Variants in EPHA6 observed in about 807,000 individuals in gnomAD.
EPHA6 encodes the protein ephrin type-A receptor 6.
A neutral mutation model predicts 112.0 loss-of-function variants in EPHA6; 50 were observed. That is an observed-to-expected ratio of 0.45 (90% confidence interval 0.36 to 0.56). The LOEUF (loss-of-function observed/expected upper bound fraction) is 0.56, where lower values mean the gene tolerates loss of function less well. Ranked by LOEUF, EPHA6 falls within the 20% of genes least tolerant of loss-of-function variation. The pLI is 0.00. For synonymous variants in EPHA6, 529 were observed against 490.7 expected (o/e 1.08, Z -1.03); for missense variants, 1,280 against 1,417.4 (o/e 0.90, Z 1.56).
intron 5 of EPHA6, among the ~76,000 whole-genome samples, chr3:97,290,266 A>G (rs2080629206): frequency 6.6e-6 from 1 of 152,072 alleles, no homozygotes; most frequent in South Asian, 2.1e-4. Flanking sequence ...TGTGGTTTTG[A>G]GAGATCTACT....
intron 1 of EPHA6, among the ~76,000 whole-genome samples, chr3:96,817,845 G>A (rs960192968): frequency 2.6e-5 from 4 of 151,686 alleles, no homozygotes; most frequent in Admixed American, 1.3e-4. Context: ...TTCTTTTAAC[G>A]TGGTGCAAAC....
rs1559884080 is a variant in EPHA6 at position 97,324,473 on chromosome 3, T to TTTC, written c.1606+80187_1606+80188insTCT. Among the ~76,000 whole-genome samples, 21 of 71,252 alleles carry TTTC rather than the reference T, an allele frequency of 2.9e-4. 1 individual carries two copies. Among genetic ancestry groups the TTTC allele is most frequent in the Admixed American group, 4.7e-4 (3 of 6,336 alleles). The allele number at this position is 71,252 out of a possible 152,430, so 46.7% of individuals were successfully genotyped here. A position where few individuals can be genotyped will look rare whatever the true frequency, so the allele number is the denominator to read the frequency against. ...TCTTTCTTTCTTTCTTTCTTTCTTT[T>TTTC]TCTTTCGTCTCTTTCTCTTTCTTTC... On this transcript the variant is annotated intron_variant, in intron 5 of 17. Transcript: ENST00000389672.
intron 3 of EPHA6, among the ~76,000 whole-genome samples, chr3:97,082,703 TA>T (rs1576454863): frequency 1.3e-5 from 2 of 152,034 alleles, no homozygotes; most frequent in East Asian, 3.9e-4. Context: ...GAATCAGTGA[TA>T]TGCGTGTAAC....
chr3:97,479,406 C>G (rs373144124), intron 9 of EPHA6, 42 bp downstream of exon 9: 15 of 1,378,890 alleles, frequency 1.1e-5, no homozygotes, highest in Non-Finnish European at 1.5e-5. Flanking sequence ...TTGTACTGTT[C>G]CAGCACTTCA....
At chr3:97,633,262 T>C (rs183047440) in intron 13 of EPHA6, among the ~76,000 whole-genome samples, 3 of 152,098 alleles carry the variant, frequency 2.0e-5, no homozygotes. Context: ...AAAATCCATG[T>C]TTCTTAGCAG....
chr3:97,056,831 T>C (rs919275274), intron 3 of EPHA6, among the ~76,000 whole-genome samples: 1 of 152,178 alleles, frequency 6.6e-6, no homozygotes, highest in Admixed American at 6.5e-5. Context: ...TTCTCATAGG[T>C]CTGTTGTGAG....
chr3:96,971,360 C>A (rs572550687), intron 2 of EPHA6, among the ~76,000 whole-genome samples: 5 of 152,016 alleles, frequency 3.3e-5, no homozygotes, highest in Admixed American at 6.6e-5. Flanking sequence ...TATTAAATAT[C>A]TTTGTAGTGT....
intron 5 of EPHA6, among the ~76,000 whole-genome samples, chr3:97,327,967 A>C (rs1304114654): frequency 1.4e-5 from 2 of 139,150 alleles, no homozygotes; most frequent in Non-Finnish European, 3.0e-5. Flanking sequence ...GTGTGTATAT[A>C]TATGTATATG....
At chr3:97,180,631 G>A (rs1393503688) in intron 3 of EPHA6, among the ~76,000 whole-genome samples, 1 of 152,064 alleles carries the variant, frequency 6.6e-6, no homozygotes, top group Admixed American at 6.5e-5. Context: ...GACCTAGAGT[G>A]TGTCTAGAAA....
chr3:97,396,992 T>C (rs924549544), intron 5 of EPHA6, among the ~76,000 whole-genome samples: 1 of 151,724 alleles, frequency 6.6e-6, no homozygotes, highest in African/African-American at 2.4e-5. Context: ...ATTGGAAACG[T>C]AGTCATCAGA....
At chr3:97,458,835 C>T (rs1316459722) in intron 7 of EPHA6, among the ~76,000 whole-genome samples, 1 of 152,052 alleles carries the variant, frequency 6.6e-6, no homozygotes, top group Non-Finnish European at 1.5e-5. Flanking sequence ...TTTACTCAAT[C>T]AAAACATATT....
chr3:97,114,092 C>T (rs1168229344), intron 3 of EPHA6, among the ~76,000 whole-genome samples: 3 of 152,034 alleles, frequency 2.0e-5, no homozygotes, highest in African/African-American at 4.8e-5. Flanking sequence ...CAGAATACAA[C>T]AGTAAAAACT....
At chr3:96,979,629 G>C (rs533905687) in intron 2 of EPHA6, among the ~76,000 whole-genome samples, 1 of 152,188 alleles carries the variant, frequency 6.6e-6, no homozygotes, top group Admixed American at 6.5e-5. Context: ...TCGCCACACT[G>C]TCTTCCACAA....
At chr3:97,664,465 G>A (rs2094192004) in intron 14 of EPHA6, among the ~76,000 whole-genome samples, 1 of 152,106 alleles carries the variant, frequency 6.6e-6, no homozygotes. Flanking sequence ...TGGAAGTTCT[G>A]GCCAGGGCAA....
intron 5 of EPHA6, among the ~76,000 whole-genome samples, chr3:97,319,131 A>T (rs1443368722): frequency 6.6e-6 from 1 of 151,338 alleles, no homozygotes; most frequent in East Asian, 1.9e-4. Flanking sequence ...ACTTCCATAT[A>T]TATAATTTAT....
At chr3:97,255,223 G>A (rs2079271805) in intron 5 of EPHA6, among the ~76,000 whole-genome samples, 2 of 151,632 alleles carry the variant, frequency 1.3e-5, no homozygotes, top group South Asian at 2.1e-4. Flanking sequence ...TCTCAAATGA[G>A]TGCTATGAAA....
At chr3:96,839,309 G>C (rs1262289502) in intron 1 of EPHA6, among the ~76,000 whole-genome samples, 1 of 151,642 alleles carries the variant, frequency 6.6e-6, no homozygotes, top group Non-Finnish European at 1.5e-5. Context: ...ATAGGAGCGT[G>C]AACCCTATTG....
At chr3:97,092,172 G>C (rs74876692) in intron 3 of EPHA6, among the ~76,000 whole-genome samples, 2,023 of 150,702 alleles carry the variant, frequency 0.013, 53 homozygotes, top group African/African-American at 0.046. Flanking sequence ...CGTTTTCCCT[G>C]GGAAAGCACA....
chr3:97,286,119 T>G (rs1433422792), intron 5 of EPHA6, among the ~76,000 whole-genome samples: 2 of 152,188 alleles, frequency 1.3e-5, no homozygotes, highest in Non-Finnish European at 2.9e-5. Context: ...GTTCTCTGTA[T>G]ATTCTTTGTT....
Sources: allele counts gnomAD v4.1 joint callset (sites outside exome capture counted in the v4.1 genomes callset), GRCh38; gene constraint gnomAD v4.1.1; transcripts MANE v1.5; gene names NCBI Gene and HGNC (gene_info 2026-07-23, HGNC 2026-07-21).